The following SYT1 variants were observed in gnomAD, a reference collection of about 807,000 sequenced individuals.
The protein encoded by SYT1 is synaptotagmin 1, also known as synaptotagmin-1.
A neutral mutation model predicts 44.8 loss-of-function variants in SYT1; 8 were observed. The observed-to-expected ratio is 0.18, with a 90% CI of 0.10 to 0.32. The LOEUF (loss-of-function observed/expected upper bound fraction) is 0.32. Among genes scored for constraint, SYT1 ranks in the 10% least tolerant of loss-of-function variants. The probability of loss-of-function intolerance (pLI) is 1.00; values close to 1 mark genes in which losing one functional copy is unlikely to be tolerated. For missense variants in SYT1, 286 were observed against 509.3 expected (o/e 0.56, Z 4.22); for synonymous variants, 154 against 188.8 (o/e 0.82, Z 1.51).
At chr12:79,416,497 A>G (rs778897426) in intron 9 of SYT1, among the ~76,000 whole-genome samples, 1 of 152,212 alleles carries the variant, frequency 6.6e-6, no homozygotes, top group Non-Finnish European at 1.5e-5. Flanking sequence ...TTATTGTAGT[A>G]AAATAACAGA....
At chr12:79,145,749 T>TTGTTTG (rs1555201853) in intron 3 of SYT1, among the ~76,000 whole-genome samples, 1 of 144,942 alleles carries the variant, frequency 6.9e-6, no homozygotes, top group African/African-American at 2.6e-5. Context: ...TTTTTTTTTT[T>TTGTTTG]TTTGTTTGTT....
chr12:79,132,674 CAAA>C (rs71091641), intron 3 of SYT1, among the ~76,000 whole-genome samples: 55 of 43,732 alleles, frequency 1.3e-3, no homozygotes, highest in Middle Eastern at 0.024. Context: ...GGAGTTTTCT[CAAA>C]AAAAAAAAAA....
intron 3 of SYT1, among the ~76,000 whole-genome samples, chr12:79,051,568 C>G (rs921368010): frequency 6.6e-6 from 1 of 151,396 alleles, no homozygotes. Flanking sequence ...CAAGATTACA[C>G]AGTGAAAAAA....
intron 1 of SYT1, among the ~76,000 whole-genome samples, chr12:78,959,137 G>A (rs1010181348): frequency 2.0e-5 from 3 of 151,982 alleles, no homozygotes; most frequent in Admixed American, 2.0e-4. Flanking sequence ...TACCTAAGCT[G>A]GAATGCGCAA....
At position 79,389,416 on chromosome 12, in the gene SYT1, A is replaced by T. The variant is rs1884566411; in HGVS notation, c.928+35797A>T. 1.3e-5 allele frequency among the ~76,000 whole-genome samples: 2 copies of T among 152,184 alleles called. 1 individual carries two copies. The highest frequency in any genetic ancestry group is 4.1e-4 in the South Asian group (2 of 4,830). ...CATTTTTAGTTAATTTAAGAAAATAATGTCAGATATTTCCAGTTGCTAAGC... is the reference window on the plus strand; with the variant it reads ...CATTTTTAGTTAATTTAAGAAAATATTGTCAGATATTTCCAGTTGCTAAGC... On this transcript the variant is annotated intron_variant, in intron 9 of 10. Coordinates refer to ENST00000261205, the MANE Select transcript of SYT1 (RefSeq NM_005639.3).
chr12:79,405,814 A>ATGAT (rs1259493778), intron 9 of SYT1, among the ~76,000 whole-genome samples: 1 of 151,954 alleles, frequency 6.6e-6, no homozygotes, highest in Non-Finnish European at 1.5e-5. Flanking sequence ...CTCTGTTTCC[A>ATGAT]TGATTGTCTC....
chr12:79,057,301 T>C (rs558739578), intron 3 of SYT1, among the ~76,000 whole-genome samples: 29 of 152,152 alleles, frequency 1.9e-4, no homozygotes, highest in Non-Finnish European at 3.5e-4. Flanking sequence ...TTCAAAGGAA[T>C]CCTGGCAAAG....
chr12:79,382,316 A>G (rs1278617619), intron 9 of SYT1, among the ~76,000 whole-genome samples: 1 of 152,146 alleles, frequency 6.6e-6, no homozygotes, highest in Admixed American at 6.6e-5. Flanking sequence ...TCATTCCCTG[A>G]AAGACTATTT....
rs868367492 is a variant in SYT1 at position 79,043,996 on chromosome 12, G to A, written c.-83-3301G>A. Among the ~76,000 whole-genome samples the A allele has an allele frequency of 1.7e-3, 258 of 152,248 alleles. 2 individuals carry two copies. Among genetic ancestry groups the A allele is most frequent in the Middle Eastern group, 0.01 (3 of 294 alleles). On this transcript the variant is annotated intron_variant, in intron 2 of 10. Coordinates refer to ENST00000261205, the MANE Select transcript of SYT1 (RefSeq NM_005639.3). Reference sequence around the variant, plus strand: ...TTGTAGGGTTTCTGCCGAGAGATCCGCTGTTAGTCTGATGGGCTTCCCTTT... The same window carrying A: ...TTGTAGGGTTTCTGCCGAGAGATCCACTGTTAGTCTGATGGGCTTCCCTTT...
chr12:79,233,153 C>G (rs116958556), intron 4 of SYT1, among the ~76,000 whole-genome samples: 5,952 of 152,178 alleles, frequency 0.039, 198 homozygotes, highest in Non-Finnish European at 0.051. Flanking sequence ...AAGCAGCCAC[C>G]AAATTGGTCC....
chr12:79,432,654 C>T (rs1869867905), intron 9 of SYT1, among the ~76,000 whole-genome samples: 1 of 152,108 alleles, frequency 6.6e-6, no homozygotes, highest in African/African-American at 2.4e-5. Context: ...TGTTCTGTCA[C>T]CCAGGCTGGA....
At chr12:79,395,312 A>G (rs1208078770) in intron 9 of SYT1, among the ~76,000 whole-genome samples, 2 of 152,080 alleles carry the variant, frequency 1.3e-5, no homozygotes, top group East Asian at 3.9e-4. Context: ...TCTGCCTCCC[A>G]GATTCAATCA....
At position 79,051,143 on chromosome 12, in the gene SYT1, T is replaced by TA. The variant is rs570939320; in HGVS notation, c.-18+3790dup. The stretch of plus-strand genomic sequence containing the variant: ...TAAAAAATGCATGTGTCGGAACTGT[T>TA]AAAAAAAAACTCTTCTCCAAATTTA... On this transcript the variant is annotated intron_variant, in intron 3 of 10. Coordinates refer to ENST00000261205, the MANE Select transcript of SYT1 (RefSeq NM_005639.3). Among the ~76,000 whole-genome samples, 489 of 150,682 alleles carry TA rather than the reference T, an allele frequency of 3.2e-3. 3 individuals carry two copies. Among genetic ancestry groups the TA allele is most frequent in the African/African-American group, 0.01 (424 of 41,184 alleles).
intron 1 of SYT1, among the ~76,000 whole-genome samples, chr12:78,931,308 A>AAGGAGAGG (rs1565723706): frequency 3.6e-5 from 1 of 27,608 alleles, no homozygotes; most frequent in African/African-American, 1.9e-4. Flanking sequence ...GGAAGGAAGG[A>AAGGAGAGG]GAGGGAGGGA....
chr12:79,346,613 C>A (rs1412284910), intron 8 of SYT1, among the ~76,000 whole-genome samples: 1 of 152,164 alleles, frequency 6.6e-6, no homozygotes, highest in African/African-American at 2.4e-5. Context: ...AAAGCTATAC[C>A]TCCAGAAATG....
chr12:79,171,544 T>C (rs1311734483), intron 3 of SYT1, among the ~76,000 whole-genome samples: 1 of 152,074 alleles, frequency 6.6e-6, no homozygotes, highest in African/African-American at 2.4e-5. Flanking sequence ...ATGACTTGTG[T>C]ATTATAAATA....
chr12:79,149,798 C>T (rs906289767), intron 3 of SYT1, among the ~76,000 whole-genome samples: 8 of 152,108 alleles, frequency 5.3e-5, no homozygotes, highest in East Asian at 3.9e-4. Flanking sequence ...ATGGCAATTA[C>T]GTTTTTCAAA....
chr12:79,074,943 G>A (rs991555477), intron 3 of SYT1, among the ~76,000 whole-genome samples: 1 of 152,008 alleles, frequency 6.6e-6, no homozygotes, highest in African/African-American at 2.4e-5. Flanking sequence ...CATGCAGTAG[G>A]AATATAACCA....
chr12:79,354,969 T>C (rs1229286959), intron 9 of SYT1, among the ~76,000 whole-genome samples: 1 of 152,124 alleles, frequency 6.6e-6, no homozygotes, highest in African/African-American at 2.4e-5. Flanking sequence ...TCATAACCTA[T>C]GTCTAGTACT....
Sources: allele counts gnomAD v4.1 joint callset (sites outside exome capture counted in the v4.1 genomes callset), GRCh38; gene constraint gnomAD v4.1.1; transcripts MANE v1.5; gene names NCBI Gene and HGNC (gene_info 2026-07-23, HGNC 2026-07-21).